Variants in TNFRSF10A observed in about 807,000 individuals in gnomAD.
The protein encoded by TNFRSF10A is TNF receptor superfamily member 10a, also known as tumor necrosis factor receptor superfamily member 10A.
Under a neutral mutation model 42.8 loss-of-function variants are expected in TNFRSF10A, and 44 were observed. That is an observed-to-expected ratio of 1.03 (90% CI 0.81 to 1.32). The LOEUF is 1.32. Ranked by LOEUF, TNFRSF10A falls within the 40% of genes most tolerant of loss-of-function variation. The probability of loss-of-function intolerance (pLI) is 0.00; values close to 1 mark genes in which losing one functional copy is unlikely to be tolerated. For synonymous variants in TNFRSF10A, 259 were observed against 234.2 expected (o/e 1.11, Z -0.97); for missense variants, 680 against 602.0 (o/e 1.13, Z -1.36).
At chr8:23,199,504 C>T in intron 7 of TNFRSF10A, 56 bp from the exon 8 acceptor site, 1 of 1,584,514 alleles carries the variant, frequency 6.3e-7, no homozygotes, top group African/African-American at 1.3e-5. Context: ...CCCACGGGGT[C>T]CGTAGGGCAC....
Position 23,209,599 on chromosome 8 carries a change from G to A in TNFRSF10A, c.403+2517C>T, listed in dbSNP as rs138943396. The stretch of plus-strand genomic sequence containing the variant: ...AGGAGTCAAACGAGATCATTTTGGA[G>A]CTTTAAGATCTGACTGCCCTGCTGG... On this transcript the variant is annotated intron_variant, in intron 2 of 9. Transcript: ENST00000221132. 2.4e-4 allele frequency among the ~76,000 whole-genome samples: 36 copies of A among 152,310 alleles called. No individual in the cohort carries two copies. The East Asian group carries it at 6.7e-3, about 29-fold the overall frequency.
At chr8:23,210,320 C>T (rs1459135276) in intron 2 of TNFRSF10A, among the ~76,000 whole-genome samples, 5 of 152,124 alleles carry the variant, frequency 3.3e-5, no homozygotes, top group African/African-American at 9.7e-5. Flanking sequence ...TACAGACTAA[C>T]GATTCTTATG....
intron 2 of TNFRSF10A, among the ~76,000 whole-genome samples, chr8:23,209,660 T>C (rs1005473217): frequency 1.3e-5 from 2 of 152,228 alleles, no homozygotes; most frequent in Non-Finnish European, 2.9e-5. Context: ...GCCCTTTGTT[T>C]TCGACAATGT....
rs1328195941 is a variant in TNFRSF10A at position 23,202,771 on chromosome 8, G to C, written c.404-10C>G. 1 of 1,592,672 alleles carries C rather than the reference G, an allele frequency of 6.3e-7. No homozygotes were observed. Among genetic ancestry groups the C allele is most frequent in the Non-Finnish European group, 8.6e-7 (1 of 1,160,780 alleles). ...TCTGATCTATGAGATCCTGGGAAGGGAGAGAAAAGCCAATGAATGAATTGC... is the reference window on the plus strand; with the variant it reads ...TCTGATCTATGAGATCCTGGGAAGGCAGAGAAAAGCCAATGAATGAATTGC... On this transcript the variant is annotated splice_polypyrimidine_tract_variant and intron_variant, in intron 2 of 9. Transcript: ENST00000221132.
Position 23,191,488 on chromosome 8 carries a change from C to T in TNFRSF10A, c.*206G>A, listed in dbSNP as rs755568795. ...TAATTTTTGTATTTTTTTGTAAAGA[C>T]GGCATTTCACGATGTTGGTCAGGCT... On this transcript the variant is annotated 3_prime_UTR_variant, in exon 10 of 10. Coordinates refer to ENST00000221132, the MANE Select transcript of TNFRSF10A (RefSeq NM_003844.4). The T allele has an allele frequency of 3.4e-5, 22 of 653,550 alleles. No individual in the cohort carries two copies. Among genetic ancestry groups the T allele is most frequent in the South Asian group, 2.5e-4 (11 of 43,982 alleles). 40.5% of individuals were successfully genotyped at this position (653,550 alleles called of 1,614,324 possible). A position where few individuals can be genotyped will look rare whatever the true frequency, so the allele number is the denominator to read the frequency against.
At chr8:23,199,962 G>A in intron 6 of TNFRSF10A, 45 bp from the exon 7 acceptor site, 2 of 1,613,018 alleles carry the variant, frequency 1.2e-6, no homozygotes, top group Non-Finnish European at 1.7e-6. Context: ...AGGGGCCCAT[G>A]CAGCACTCCT....
At position 23,191,535 on chromosome 8, in the gene TNFRSF10A, A is replaced by G. The variant is rs948188183; in HGVS notation, c.*159T>C. The G allele has an allele frequency of 7.4e-6, 8 of 1,079,724 alleles. No homozygotes were observed. Among genetic ancestry groups the G allele is most frequent in the African/African-American group, 3.2e-5 (2 of 62,700 alleles). The allele number at this position is 1,079,724 out of a possible 1,614,324, so 66.9% of individuals were successfully genotyped here. A position where few individuals can be genotyped will look rare whatever the true frequency, so the allele number is the denominator to read the frequency against. ...GGCTGGTCTTGAACTTCTGACCTCA[A>G]GTGATCCACCCGCCTCAGCCTCCCA... On this transcript the variant is annotated 3_prime_UTR_variant, in exon 10 of 10. Transcript: ENST00000221132.
chr8:23,220,547 G>A (rs1801243324), intron 1 of TNFRSF10A, among the ~76,000 whole-genome samples: 1 of 152,208 alleles, frequency 6.6e-6, no homozygotes, highest in Admixed American at 6.5e-5. Context: ...AATCTGCAGC[G>A]GCCCTTTATA....
intron 1 of TNFRSF10A, among the ~76,000 whole-genome samples, chr8:23,216,060 C>A (rs1444929038): frequency 1.3e-5 from 2 of 152,108 alleles, no homozygotes; most frequent in African/African-American, 4.8e-5. Flanking sequence ...TCAGGTGAAT[C>A]GCCTGCCTCG....
rs376605159 is a variant in TNFRSF10A at position 23,199,338 on chromosome 8, T to C, written c.942A>G (p.Gln314=). Residue 314 remains glutamine (Q), a synonymous_variant, in exon 8 of 10, where the codon CAA becomes CAG. Transcript: ENST00000221132. ...DSLSTFVSEQ[Q]MESQEPADLT... is the part of the protein sequence containing the mutation. ...AATCTGCCGGCTCCTGGCTTTCCAT[T>C]TGCTGCTCAGAGACGAAAGTGGACA... 1.9e-6 allele frequency: 3 copies of C among 1,614,042 alleles called. No homozygotes were observed. The highest frequency in any genetic ancestry group is 2.2e-5 in the East Asian group (1 of 44,894).
chr8:23,205,915 A>G (rs1303209920), intron 2 of TNFRSF10A, among the ~76,000 whole-genome samples: 1 of 151,920 alleles, frequency 6.6e-6, no homozygotes, highest in African/African-American at 2.4e-5. Flanking sequence ...ACAGGGTTTC[A>G]CTGTGTTAGC....
chr8:23,216,980 G>A (rs1372041096), intron 1 of TNFRSF10A, among the ~76,000 whole-genome samples: 3 of 152,268 alleles, frequency 2.0e-5, no homozygotes, highest in Non-Finnish European at 4.4e-5. Context: ...CATGTTCATA[G>A]AAGAGAAGGA....
chr8:23,199,417 C>T lies in TNFRSF10A; in HGVS notation c.863G>A (p.Gly288Glu). Reference sequence around the variant, plus strand: ...GTGAGCATTGTCCTCAGCCCCAGGCCCTCGTAGGAGACCCAAGCGCCAGAA... The same window carrying T: ...GTGAGCATTGTCCTCAGCCCCAGGCTCTCGTAGGAGACCCAAGCGCCAGAA... ...VCFWRLGLLR[G>E]PGAEDNAHNE... The change falls in exon 8 of 10, where the codon GGG becomes GAG. Residue 288 changes from glycine (G) to glutamate (E), a missense_variant. By Grantham distance (98) the Gly-to-Glu change is moderately conservative. Transcript: ENST00000221132. 6.2e-7 allele frequency: 1 copy of T among 1,613,040 alleles called. No homozygotes were observed.
intron 2 of TNFRSF10A, among the ~76,000 whole-genome samples, chr8:23,204,653 C>T (rs183607495): frequency 2.6e-4 from 39 of 152,186 alleles, no homozygotes; most frequent in Admixed American, 2.4e-3. Context: ...ATATGCTTGG[C>T]CATAAGATAA....
At chr8:23,199,233 A>G in intron 8 of TNFRSF10A, 33 bp downstream of exon 8, 2 of 1,593,272 alleles carry the variant, frequency 1.3e-6, no homozygotes, top group East Asian at 2.3e-5. Context: ...CCCCCTGCCT[A>G]CAAGGTCTTG....
intron 1 of TNFRSF10A, among the ~76,000 whole-genome samples, chr8:23,213,436 C>CTTTTTTTTTTTTTTTTA (rs1801118782): frequency 1.5e-5 from 1 of 68,668 alleles, no homozygotes; most frequent in Admixed American, 2.0e-4. Context: ...GTTTGCTCCT[C>CTTTTTTTTTTTTTTTTA]TTTTTTTTTT....
chr8:23,218,567 T>C (rs1053207391), intron 1 of TNFRSF10A, among the ~76,000 whole-genome samples: 3 of 152,156 alleles, frequency 2.0e-5, no homozygotes, highest in African/African-American at 7.2e-5. Context: ...GCCAGCCTCA[T>C]GGTCTGGGGG....
intron 2 of TNFRSF10A, chr8:23,207,432 G>C: frequency 2.1e-6 from 1 of 479,626 alleles, no homozygotes; most frequent in Non-Finnish European, 4.0e-6. Context: ...ACAAAGTTGA[G>C]GCCCAGATGC....
At chr8:23,199,562 A>G in intron 7 of TNFRSF10A, 114 bp from the exon 8 acceptor site, 1 of 1,320,978 alleles carries the variant, frequency 7.6e-7, no homozygotes, top group Non-Finnish European at 1.0e-6. Flanking sequence ...CACTCCAGGA[A>G]GTCCATGCTC....
Sources: gnomAD v4.1 joint callset for allele counts (sites outside exome capture counted in the v4.1 genomes callset) on GRCh38, gnomAD v4.1.1 for gene constraint, MANE v1.5 for transcripts, NCBI Gene and HGNC (gene_info 2026-07-23, HGNC 2026-07-21) for gene names.